SMCO2: variants seen among roughly 807,000 people sequenced by gnomAD.
The protein encoded by SMCO2 is single-pass membrane and coiled-coil domain-containing protein 2.
SMCO2 carries 25 observed loss-of-function variants against 29.5 expected under a neutral mutation model. The observed-to-expected ratio is 0.85, with a 90% confidence interval of 0.62 to 1.18. The LOEUF (loss-of-function observed/expected upper bound fraction) is 1.18. Among genes scored for constraint, SMCO2 ranks in the 50% most tolerant of loss-of-function variants. SMCO2 has a pLI of 0.00. For missense variants in SMCO2, 348 were observed against 344.5 expected (o/e 1.01, Z -0.08); for synonymous variants, 117 against 123.3 (o/e 0.95, Z 0.34).
At chr12:27,487,699 C>A (rs405332) in intron 4 of SMCO2, among the ~76,000 whole-genome samples, 18,539 of 151,308 alleles carry the variant, frequency 0.12, 2,185 homozygotes, top group African/African-American at 0.29. Flanking sequence ...TGAATGATCG[C>A]GTTTCTCCAC....
upstream of SMCO2, among the ~76,000 whole-genome samples, chr12:27,465,274 G>A (rs192967135): frequency 9.3e-4 from 142 of 152,216 alleles, no homozygotes; most frequent in Admixed American, 3.7e-3. Flanking sequence ...ACTGCCTAGC[G>A]CATTAGTAAC....
chr12:27,501,426 A>AC (rs1367503173), intron 7 of SMCO2, among the ~76,000 whole-genome samples: 1,740 of 143,308 alleles, frequency 0.012, 115 homozygotes, highest in East Asian at 0.062. Context: ...AAAAAAAAAA[A>AC]AAAAAAAAAA....
the SMCO2 span, among the ~76,000 whole-genome samples, chr12:27,457,252 C>T: frequency 2.0e-5 from 3 of 152,090 alleles, no homozygotes; most frequent in Non-Finnish European, 4.4e-5. Flanking sequence ...CTGTGCAATC[C>T]CAGGAGCCTC....
At chr12:27,490,699 G>A (rs1225351372) in intron 5 of SMCO2, among the ~76,000 whole-genome samples, 4 of 152,198 alleles carry the variant, frequency 2.6e-5, no homozygotes, top group African/African-American at 9.7e-5. Flanking sequence ...GGAGGCCAAG[G>A]GAGGAGGATC....
chr12:27,430,480 GAGA>G, the SMCO2 span, among the ~76,000 whole-genome samples: 1 of 152,108 alleles, frequency 6.6e-6, no homozygotes. Context: ...AATGAGGCAG[GAGA>G]ATTGCTCGAA....
At chr12:27,439,234 G>A in the SMCO2 span, among the ~76,000 whole-genome samples, 1 of 152,168 alleles carries the variant, frequency 6.6e-6, no homozygotes, top group Non-Finnish European at 1.5e-5. Flanking sequence ...GCTGTTAGGA[G>A]GTATGTTCCC....
chr12:27,478,564 G>T (rs917267235), intron 4 of SMCO2, among the ~76,000 whole-genome samples: 1 of 152,158 alleles, frequency 6.6e-6, no homozygotes, highest in Non-Finnish European at 1.5e-5. Context: ...GAGCTGGGGG[G>T]GCCAGTCCTC....
At chr12:27,468,692 T>TGGAGGTG (rs1466882250) in intron 1 of SMCO2, among the ~76,000 whole-genome samples, 5 of 152,236 alleles carry the variant, frequency 3.3e-5, no homozygotes, top group Non-Finnish European at 7.3e-5. Flanking sequence ...AGGTCATCTT[T>TGGAGGTG]GGAGGTGGGA....
the SMCO2 span, among the ~76,000 whole-genome samples, chr12:27,430,039 T>G: frequency 1.3e-5 from 2 of 152,248 alleles, no homozygotes; most frequent in Admixed American, 1.3e-4. Flanking sequence ...TGGCCTCTAA[T>G]AAGATACAGG....
intron 3 of SMCO2, chr12:27,473,102 C>T (rs1318007346): frequency 2.4e-6 from 1 of 425,406 alleles, no homozygotes. Context: ...CCCATGCGAA[C>T]AAAAAAGAAA....
chr12:27,500,636 G>A lies in SMCO2; in HGVS notation c.684-1287G>A, dbSNP rs76663381. ...AGTGTTTATTTACTAGATAGTTTTC[G>A]TAGTGAGTTGTTTTTCTTTTCATAA... On this transcript the variant is annotated intron_variant, in intron 7 of 7. Transcript: ENST00000298876. Among the ~76,000 whole-genome samples the A allele has an allele frequency of 7.2e-3, 1,085 of 150,596 alleles. 105 individuals are homozygous for A. Among genetic ancestry groups the A allele is most frequent in the African/African-American group, 0.025 (1,022 of 40,358 alleles).
the SMCO2 span, among the ~76,000 whole-genome samples, chr12:27,452,907 A>T: frequency 1.3e-5 from 2 of 152,132 alleles, no homozygotes; most frequent in Admixed American, 6.6e-5. Context: ...TCACTAAGGG[A>T]CCACCTACTA....
chr12:27,440,951 A>G, the SMCO2 span, among the ~76,000 whole-genome samples: 10 of 152,274 alleles, frequency 6.6e-5, no homozygotes, highest in South Asian at 1.9e-3. Context: ...AATTGTCTCA[A>G]TTCTCTAATT....
At chr12:27,454,554 T>G in the SMCO2 span, among the ~76,000 whole-genome samples, 1 of 152,186 alleles carries the variant, frequency 6.6e-6, no homozygotes, top group Non-Finnish European at 1.5e-5. Flanking sequence ...ATTCCTATTT[T>G]CTATATTTTG....
chr12:27,435,833 A>G, the SMCO2 span, among the ~76,000 whole-genome samples: 1 of 152,182 alleles, frequency 6.6e-6, no homozygotes, highest in Non-Finnish European at 1.5e-5. Flanking sequence ...AATGAGCCTC[A>G]GTGAGGCAGC....
At chr12:27,427,109 G>A in the SMCO2 span, among the ~76,000 whole-genome samples, 4 of 152,198 alleles carry the variant, frequency 2.6e-5, no homozygotes, top group African/African-American at 9.7e-5. Flanking sequence ...TTAAAGGGAT[G>A]TGCAAAGTGC....
At chr12:27,436,251 G>T in the SMCO2 span, among the ~76,000 whole-genome samples, 1 of 152,212 alleles carries the variant, frequency 6.6e-6, no homozygotes, top group Non-Finnish European at 1.5e-5. Context: ...CATTCAGTCT[G>T]CAGCACTCAC....
chr12:27,458,227 TTAA>T, the SMCO2 span, among the ~76,000 whole-genome samples: 2 of 152,204 alleles, frequency 1.3e-5, no homozygotes, highest in Non-Finnish European at 2.9e-5. Context: ...CATTCTTTGA[TTAA>T]TGAGTGTTCA....
chr12:27,486,939 A>G (rs1949693647), intron 4 of SMCO2, among the ~76,000 whole-genome samples: 1 of 152,168 alleles, frequency 6.6e-6, no homozygotes, highest in Non-Finnish European at 1.5e-5. Context: ...TGAAATAATT[A>G]TAGATTCATA....
Sources: gnomAD v4.1 joint callset for allele counts (sites outside exome capture counted in the v4.1 genomes callset) on GRCh38, gnomAD v4.1.1 for gene constraint, MANE v1.5 for transcripts, NCBI Gene and HGNC (gene_info 2026-07-23, HGNC 2026-07-21) for gene names.